Variants in FHAD1 observed in about 807,000 individuals in gnomAD.
The protein encoded by FHAD1 is forkhead-associated domain-containing protein 1.
Under a neutral mutation model 191.3 loss-of-function variants are expected in FHAD1, and 146 were observed. That is an observed-to-expected ratio of 0.76 (90% CI 0.67 to 0.88). FHAD1 has a LOEUF of 0.88. Ranked by LOEUF, FHAD1 falls within the 40% of genes least tolerant of loss-of-function variation. FHAD1 has a pLI of 0.00. For missense variants in FHAD1, 1,635 were observed against 1,785.8 expected (o/e 0.92, Z 1.52); for synonymous variants, 616 against 672.3 (o/e 0.92, Z 1.29).
At position 15,358,140 on chromosome 1, in the gene FHAD1, G is replaced by T; in HGVS notation, c.2593G>T (p.Val865Phe). 1 of 1,514,200 alleles carries T rather than the reference G, an allele frequency of 6.6e-7. No individual in the cohort carries two copies. The highest frequency in any genetic ancestry group is 1.3e-5 in the South Asian group (1 of 76,838). The allele number at this position is 1,514,200 out of a possible 1,614,324, so 93.8% of individuals were successfully genotyped here. The stretch of plus-strand genomic sequence containing the variant: ...AGAATTAAAAGAGCAAAAAGAGGAC[G>T]TTTTAAATAATAAATTAAGTGACGC... ...ELELKEQKED[V>F]LNNKLSDALA... The change falls in exon 21 of 34, where the codon GTT becomes TTT. Residue 865 changes from valine to phenylalanine, a missense_variant. Val to Phe is a conservative substitution (Grantham distance 50). Transcript: ENST00000688493.
chr1:15,267,455 T>C (rs1296817146), intron 2 of FHAD1, among the ~76,000 whole-genome samples: 1 of 152,194 alleles, frequency 6.6e-6, no homozygotes, highest in African/African-American at 2.4e-5. Flanking sequence ...ATTCAGGTGA[T>C]ATTGGCCTCA....
chr1:15,380,905 C>T, intron 29 of FHAD1, 109 bp downstream of exon 29: 1 of 770,670 alleles, frequency 1.3e-6, no homozygotes, highest in Non-Finnish European at 2.1e-6. Context: ...TATTTAGTTA[C>T]TCTAATAACT....
chr1:15,261,004 G>A lies in FHAD1; in HGVS notation c.93+9127G>A, dbSNP rs1386252565. Reference sequence around the variant, plus strand: ...TTGCTTGGACTCTGGCCATAGAGAGGGAAGCGATAATATGGGATGTTGAGA... The same window carrying A: ...TTGCTTGGACTCTGGCCATAGAGAGAGAAGCGATAATATGGGATGTTGAGA... On this transcript the variant is annotated intron_variant, in intron 2 of 33. Coordinates refer to ENST00000688493, the MANE Select transcript of FHAD1 (RefSeq NM_001391957.1). Among the ~76,000 whole-genome samples the A allele has an allele frequency of 3.9e-5, 6 of 152,188 alleles. No individual in the cohort carries two copies. In the East Asian group the frequency reaches 1.2e-3, roughly 29 times the overall value.
intron 10 of FHAD1, among the ~76,000 whole-genome samples, chr1:15,324,012 C>T (rs1276726575): frequency 2.6e-5 from 4 of 152,196 alleles, no homozygotes; most frequent in Non-Finnish European, 4.4e-5. Flanking sequence ...CTGTCATCCA[C>T]CTGTTCTAGG....
chr1:15,369,628 A>G (rs1697520612), intron 26 of FHAD1, 126 bp downstream of exon 26: 8 of 1,119,844 alleles, frequency 7.1e-6, no homozygotes, highest in Non-Finnish European at 1.0e-5. Context: ...TGTGAAATGT[A>G]TAAAGTAAAT....
At chr1:15,295,962 C>T (rs947519333) in intron 4 of FHAD1, among the ~76,000 whole-genome samples, 1 of 152,244 alleles carries the variant, frequency 6.6e-6, no homozygotes, top group Non-Finnish European at 1.5e-5. Context: ...CTCTACCTAA[C>T]GTTTCGTTTA....
chr1:15,390,901 C>T (rs894886401), intron 32 of FHAD1, among the ~76,000 whole-genome samples: 3 of 152,258 alleles, frequency 2.0e-5, no homozygotes, highest in East Asian at 1.9e-4. Context: ...ACGTGTCCTC[C>T]GAGAAGAGCA....
intron 2 of FHAD1, among the ~76,000 whole-genome samples, chr1:15,258,208 C>G (rs1239228989): frequency 5.9e-5 from 9 of 152,168 alleles, no homozygotes; most frequent in Non-Finnish European, 1.3e-4. Flanking sequence ...AACTGAAACT[C>G]TGTACCTATT....
Position 15,327,037 on chromosome 1 carries a change from T to A in FHAD1, c.1474-22T>A. On this transcript the variant is annotated intron_variant, in intron 11 of 33. Coordinates refer to ENST00000688493, the MANE Select transcript of FHAD1 (RefSeq NM_001391957.1). The surrounding 1 kb of genome is among the most constrained non-coding windows in gnomAD (Gnocchi z 5.1). ...CCGGCCCCTGCTGACCCCCTGACAC[T>A]GTTGCCCCCTCTCTGCTGCAGCTGG... 1 of 1,522,844 alleles carries A rather than the reference T, an allele frequency of 6.6e-7. No individual in the cohort carries two copies. Among genetic ancestry groups the A allele is most frequent in the Non-Finnish European group, 8.9e-7 (1 of 1,121,920 alleles). The allele number at this position is 1,522,844 out of a possible 1,614,324, so 94.3% of individuals were successfully genotyped here.
At chr1:15,253,631 G>A (rs1647057428) in intron 2 of FHAD1, among the ~76,000 whole-genome samples, 1 of 152,164 alleles carries the variant, frequency 6.6e-6, no homozygotes, top group Non-Finnish European at 1.5e-5. Context: ...TTCATTGCCA[G>A]TATATAGAAA....
chr1:15,355,144 G>T (rs1692278575), intron 20 of FHAD1, among the ~76,000 whole-genome samples: 1 of 151,958 alleles, frequency 6.6e-6, no homozygotes, highest in African/African-American at 2.4e-5. Flanking sequence ...GGGAGGCAGA[G>T]GTTGCAATGA....
At chr1:15,268,329 C>T (rs534495928) in intron 2 of FHAD1, among the ~76,000 whole-genome samples, 4 of 151,946 alleles carry the variant, frequency 2.6e-5, no homozygotes, top group East Asian at 1.9e-4. Flanking sequence ...ATGAACTCAT[C>T]ATTTTTTATG....
At chr1:15,268,741 A>G (rs1218877565) in intron 2 of FHAD1, among the ~76,000 whole-genome samples, 6 of 150,364 alleles carry the variant, frequency 4.0e-5, no homozygotes, top group African/African-American at 1.5e-4. Flanking sequence ...TTTCTCTGAT[A>G]GCCAGTGATG....
intron 14 of FHAD1, among the ~76,000 whole-genome samples, chr1:15,331,067 C>T (rs184374958): frequency 6.6e-6 from 1 of 152,176 alleles, no homozygotes; most frequent in East Asian, 1.9e-4. Context: ...AGGAAAGTGA[C>T]AGAGAGTCAA....
At chr1:15,280,139 C>T (rs971746513) in intron 3 of FHAD1, among the ~76,000 whole-genome samples, 5 of 152,104 alleles carry the variant, frequency 3.3e-5, no homozygotes, top group Admixed American at 2.0e-4. Flanking sequence ...TTCATGGGAC[C>T]GTTAAGTACT....
chr1:15,359,857 G>A (rs1222210618), intron 21 of FHAD1, among the ~76,000 whole-genome samples: 3 of 152,194 alleles, frequency 2.0e-5, no homozygotes, highest in Non-Finnish European at 4.4e-5. Context: ...GGCTGAGGCA[G>A]GAGAATAGTG....
At chr1:15,334,209 C>T (rs1683011713) in intron 14 of FHAD1, 1 of 152,266 alleles carries the variant, frequency 6.6e-6, no homozygotes, top group South Asian at 2.1e-4. Flanking sequence ...AGGGTTAAGA[C>T]TCAAACTGAG....
Position 15,381,926 on chromosome 1 carries a change from C to A in FHAD1, c.4023-102C>A. On this transcript the variant is annotated intron_variant, in intron 30 of 33. Coordinates refer to ENST00000688493, the MANE Select transcript of FHAD1 (RefSeq NM_001391957.1). The surrounding 1 kb of genome is among the most constrained non-coding windows in gnomAD (Gnocchi z 4.6). ...GCTTGTGATGACACTCCTGAGTGAGCCCCCACTGTGGATGTATTTTGAGAG... is the reference window on the plus strand; with the variant it reads ...GCTTGTGATGACACTCCTGAGTGAGACCCCACTGTGGATGTATTTTGAGAG... 2 of 1,280,550 alleles carry A rather than the reference C, an allele frequency of 1.6e-6. No individual in the cohort carries two copies. Among genetic ancestry groups the A allele is most frequent in the South Asian group, 1.5e-5 (1 of 68,452 alleles). 79.3% of individuals were successfully genotyped at this position (1,280,550 alleles called of 1,614,324 possible).
chr1:15,347,378 A>G (rs560620414), intron 18 of FHAD1, among the ~76,000 whole-genome samples: 2 of 152,224 alleles, frequency 1.3e-5, no homozygotes, highest in East Asian at 1.9e-4. Flanking sequence ...ATGTCAGCCT[A>G]CTTCTGACAG....
Sources: gnomAD v4.1 joint callset for allele counts (sites outside exome capture counted in the v4.1 genomes callset) on GRCh38, gnomAD v4.1.1 for gene constraint, Gnocchi (gnomAD v3.1) non-coding constraint, MANE v1.5 for transcripts, NCBI Gene and HGNC (gene_info 2026-07-23, HGNC 2026-07-21) for gene names.